PAN3: variants seen among roughly 807,000 people sequenced by gnomAD.
PAN3 encodes PAN2-PAN3 deadenylation complex subunit PAN3.
A neutral mutation model predicts 96.2 loss-of-function variants in PAN3; 19 were observed. The observed-to-expected ratio is 0.20, with a 90% CI of 0.14 to 0.29. The LOEUF is 0.29. Among genes scored for constraint, PAN3 ranks in the 10% least tolerant of loss-of-function variants. The pLI, the probability that PAN3 is intolerant of heterozygous loss-of-function variation, is 1.00. For missense variants in PAN3, 882 were observed against 1,108.1 expected (o/e 0.80, Z 2.90); for synonymous variants, 433 against 406.6 (o/e 1.06, Z -0.78).
At chr13:28,166,248 A>G (rs888597742) in intron 1 of PAN3, among the ~76,000 whole-genome samples, 1 of 152,234 alleles carries the variant, frequency 6.6e-6, no homozygotes, top group Non-Finnish European at 1.5e-5. Flanking sequence ...GGTAGGACAG[A>G]CACAGGATAG....
At chr13:28,145,105 C>T (rs147365870) in intron 1 of PAN3, among the ~76,000 whole-genome samples, 24 of 152,106 alleles carry the variant, frequency 1.6e-4, no homozygotes, top group South Asian at 6.2e-4. Context: ...TAGAATCACC[C>T]GAAATTGTAA....
chr13:28,204,100 C>T (rs1279210860), intron 5 of PAN3, among the ~76,000 whole-genome samples: 3 of 152,182 alleles, frequency 2.0e-5, no homozygotes, highest in South Asian at 2.1e-4. Flanking sequence ...TGAGCGACCA[C>T]GCCCGACCAG....
intron 18 of PAN3, among the ~76,000 whole-genome samples, chr13:28,289,695 C>T (rs1869480194): frequency 1.3e-5 from 2 of 152,132 alleles, no homozygotes; most frequent in Non-Finnish European, 2.9e-5. Flanking sequence ...TCCTGGCTAA[C>T]ACGGTGAAAC....
chr13:28,280,279 A>G, intron 15 of PAN3, 133 bp from the exon 16 acceptor site: 1 of 1,060,276 alleles, frequency 9.4e-7, no homozygotes, highest in Non-Finnish European at 1.3e-6. Context: ...AATGAACTTG[A>G]CTTGCATGAA....
chr13:28,139,625 G>A (rs1338419974), intron 1 of PAN3, among the ~76,000 whole-genome samples: 3 of 151,520 alleles, frequency 2.0e-5, no homozygotes, highest in Non-Finnish European at 2.9e-5. Flanking sequence ...TTTGTAGAAG[G>A]CTTGCGGGAG....
At chr13:28,207,501 A>G (rs1355575427) in intron 5 of PAN3, among the ~76,000 whole-genome samples, 1 of 152,080 alleles carries the variant, frequency 6.6e-6, no homozygotes, top group African/African-American at 2.4e-5. Flanking sequence ...GTTCCTATTG[A>G]ACTATTTGTG....
At chr13:28,170,002 A>G (rs1332906241) in intron 1 of PAN3, among the ~76,000 whole-genome samples, 2 of 152,080 alleles carry the variant, frequency 1.3e-5, no homozygotes, top group Non-Finnish European at 2.9e-5. Flanking sequence ...AGCTGAGATC[A>G]CACCACTGCA....
intron 6 of PAN3, among the ~76,000 whole-genome samples, chr13:28,245,028 T>C (rs2138521810): frequency 6.6e-6 from 1 of 152,238 alleles, no homozygotes; most frequent in East Asian, 1.9e-4. Flanking sequence ...TTTGTATTTT[T>C]AGTAGAGACA....
At chr13:28,152,837 A>G (rs745654921) in intron 1 of PAN3, among the ~76,000 whole-genome samples, 2 of 152,236 alleles carry the variant, frequency 1.3e-5, no homozygotes, top group Non-Finnish European at 2.9e-5. Context: ...AAATTAAAAC[A>G]GGCATTCACT....
At chr13:28,230,816 A>G (rs1328733123) in intron 6 of PAN3, among the ~76,000 whole-genome samples, 2 of 152,226 alleles carry the variant, frequency 1.3e-5, no homozygotes, top group Admixed American at 6.5e-5. Context: ...ACAACACAAC[A>G]CAATTTATCA....
At chr13:28,266,174 T>A (rs1886154951) in intron 9 of PAN3, among the ~76,000 whole-genome samples, 1 of 152,226 alleles carries the variant, frequency 6.6e-6, no homozygotes, top group East Asian at 1.9e-4. Flanking sequence ...GTTACCATTG[T>A]TACCATCTGC....
At chr13:28,215,131 C>G (rs2138346021) in intron 5 of PAN3, 1 of 759,690 alleles carries the variant, frequency 1.3e-6, no homozygotes, top group Non-Finnish European at 2.4e-6. Context: ...GAGCCAAGTG[C>G]TAACATGCCT....
chr13:28,151,779 A>G (rs541912598), intron 1 of PAN3, among the ~76,000 whole-genome samples: 1 of 152,304 alleles, frequency 6.6e-6, no homozygotes, highest in African/African-American at 2.4e-5. Flanking sequence ...GAGATGAGGA[A>G]GGCTGCAGAC....
At chr13:28,192,639 A>G (rs1472701982) in intron 4 of PAN3, among the ~76,000 whole-genome samples, 1 of 152,222 alleles carries the variant, frequency 6.6e-6, no homozygotes, top group Non-Finnish European at 1.5e-5. Context: ...GCATTGTTAT[A>G]TCACAGTGGG....
At chr13:28,249,247 C>G (rs1325066284) in intron 6 of PAN3, among the ~76,000 whole-genome samples, 2 of 152,056 alleles carry the variant, frequency 1.3e-5, no homozygotes, top group Non-Finnish European at 1.5e-5. Flanking sequence ...ATGGTTTATA[C>G]CTATGTTTTC....
At chr13:28,290,574 C>T (rs903053874) in intron 18 of PAN3, among the ~76,000 whole-genome samples, 3 of 151,924 alleles carry the variant, frequency 2.0e-5, no homozygotes, top group Non-Finnish European at 2.9e-5. Context: ...CCAGCTACTT[C>T]GGAGGCTGAG....
At chr13:28,162,451 G>A (rs780798488) in intron 1 of PAN3, among the ~76,000 whole-genome samples, 46 of 152,098 alleles carry the variant, frequency 3.0e-4, no homozygotes, top group Middle Eastern at 6.8e-3. Flanking sequence ...TTGGGAGGCC[G>A]AGGCGGGTGG....
intron 6 of PAN3, among the ~76,000 whole-genome samples, chr13:28,224,004 G>A (rs1187791241): frequency 3.3e-5 from 5 of 151,014 alleles, no homozygotes; most frequent in Non-Finnish European, 7.4e-5. Context: ...GAGTAGCTGG[G>A]ACTACAGGCG....
chr13:28,286,828 T>C (rs903954119), intron 17 of PAN3, among the ~76,000 whole-genome samples: 3 of 152,210 alleles, frequency 2.0e-5, no homozygotes, highest in African/African-American at 7.2e-5. Flanking sequence ...AACATACATA[T>C]ATGATTGTGC....
Sources: gnomAD v4.1 joint callset for allele counts (sites outside exome capture counted in the v4.1 genomes callset) on GRCh38, gnomAD v4.1.1 for gene constraint, MANE v1.5 for transcripts, NCBI Gene and HGNC (gene_info 2026-07-23, HGNC 2026-07-21) for gene names.